Variants in ADH1C observed in about 807,000 individuals in gnomAD.
ADH1C encodes the protein alcohol dehydrogenase 1C (class I), gamma polypeptide, also known as alcohol dehydrogenase 1C.
Under a neutral mutation model 35.0 loss-of-function variants are expected in ADH1C, and 26 were observed. The ratio of observed to expected loss-of-function variants is 0.74; its 90% CI spans 0.54 to 1.03. The LOEUF (loss-of-function observed/expected upper bound fraction) is 1.03, where lower values mean the gene tolerates loss of function less well. ADH1C is among the 50% of genes least tolerant of loss of function. ADH1C has a pLI of 0.00. For synonymous variants in ADH1C, 170 were observed against 169.3 expected, an observed-to-expected ratio of 1.00 and a Z score of -0.03; for missense variants, 413 against 465.4, an observed-to-expected ratio of 0.89 and a Z score of 1.04.
In ADH1C at chr4:99,351,887, T is replaced by C. The variant is rs1026408907; in HGVS notation, c.18+771A>G. 4.6e-5 allele frequency among the ~76,000 whole-genome samples: 7 copies of C among 152,350 alleles called. No homozygotes were observed. In the East Asian group the frequency reaches 5.8e-4, roughly 13 times the overall value. ...GCATTTCTGTGCACCTGTAAACACA[T>C]TGAAAAATAAGTATAAATTTATAGA... On this transcript the variant is annotated intron_variant, in intron 1 of 8. Coordinates refer to ENST00000515683, the MANE Select transcript of ADH1C (RefSeq NM_000669.5).
intron 6 of ADH1C, among the ~76,000 whole-genome samples, chr4:99,342,020 A>T (rs1435944453): frequency 7.9e-5 from 12 of 151,436 alleles, no homozygotes; most frequent in Non-Finnish European, 1.3e-4. Context: ...CAAAAAAAAA[A>T]AAAAAATAAA....
At position 99,344,852 on chromosome 4, in the gene ADH1C, T is replaced by C. The variant is rs1419909277; in HGVS notation, c.567+10A>G. 10 of 1,614,166 alleles carry C rather than the reference T, an allele frequency of 6.2e-6. No homozygotes were observed. The highest frequency in any genetic ancestry group is 1.7e-5 in the Admixed American group (1 of 60,016). On this transcript the variant is annotated intron_variant, in intron 5 of 8. Transcript: ENST00000515683. ...GTGTAACCGGTTTTATCATCCATTGTCATTTCTACCTTGGCAACTTTGACT... is the reference window on the plus strand; with the variant it reads ...GTGTAACCGGTTTTATCATCCATTGCCATTTCTACCTTGGCAACTTTGACT...
chr4:99,342,753 G>T (rs934526451), intron 6 of ADH1C, 42 bp downstream of exon 6: 15 of 1,613,158 alleles, frequency 9.3e-6, no homozygotes, highest in Non-Finnish European at 1.3e-5. Context: ...GCATCCTCCA[G>T]GTTGCAGAGG....
At chr4:99,346,045 G>A (rs1452305570) in intron 3 of ADH1C, among the ~76,000 whole-genome samples, 3 of 152,062 alleles carry the variant, frequency 2.0e-5, no homozygotes, top group Non-Finnish European at 2.9e-5. Flanking sequence ...AGGAAATAGA[G>A]CTAAAACTCA....
chr4:99,348,526 T>G (rs889767017), intron 1 of ADH1C, among the ~76,000 whole-genome samples: 22 of 150,950 alleles, frequency 1.5e-4, no homozygotes, highest in Non-Finnish European at 2.1e-4. Flanking sequence ...CAGTCTATCA[T>G]TGTTGGACAT....
chr4:99,342,843 A>G lies in ADH1C; in HGVS notation c.780T>C (p.Asp260=). The G allele has an allele frequency of 1.2e-6, 2 of 1,614,018 alleles. No homozygotes were observed. The highest frequency in any genetic ancestry group is 2.2e-5 in the East Asian group (1 of 44,886). ...PIQEVLKEMT[D]GGVDFSFEVI... is the part of the protein sequence containing the mutation. The stretch of plus-strand genomic sequence containing the variant: ...CTTCAAACGAAAAATCCACACCTCC[A>G]TCAGTCATTTCCTTTAGCACTTCCT... The change falls in exon 6 of 9, where the codon GAT becomes GAC. Residue 260 remains aspartate, a synonymous_variant. Transcript: ENST00000515683.
intron 8 of ADH1C, among the ~76,000 whole-genome samples, chr4:99,337,534 T>C (rs1275174859): frequency 6.6e-6 from 1 of 152,142 alleles, no homozygotes; most frequent in Non-Finnish European, 1.5e-5. Flanking sequence ...ATAAACCAAC[T>C]TTTGATGAAC....
rs955883857 is a variant in ADH1C, at chr4:99,343,009, C to T, written c.614G>A (p.Gly205Asp). The change falls in exon 6 of 9, where the codon GGC (glycine) becomes GAC (aspartate). Residue 205 changes from glycine (G) to aspartate (D), a missense_variant. Physicochemically the swap from Gly to Asp is moderately conservative, Grantham distance 94 (BLOSUM62 -1). Transcript: ENST00000515683. ...TTTACAGCCCATAACAACAGATAGGCCGACCCCTCCCAGGCCAAACACAGC... is the reference window on the plus strand; with the variant it reads ...TTTACAGCCCATAACAACAGATAGGTCGACCCCTCCCAGGCCAAACACAGC... ...TCAVFGLGGV[G>D]LSVVMGCKAA... The T allele has an allele frequency of 2.2e-5, 36 of 1,614,076 alleles. No individual in the cohort carries two copies. Among genetic ancestry groups the T allele is most frequent in the Non-Finnish European group, 3.0e-5 (35 of 1,180,036 alleles).
rs5860576 is a variant in ADH1C at position 99,339,512 on chromosome 4, G to GCCCCCCCCCC, written c.1103+55_1103+64dup. On this transcript the variant is annotated intron_variant, in intron 8 of 8. Coordinates refer to ENST00000515683, the MANE Select transcript of ADH1C (RefSeq NM_000669.5). Reference sequence around the variant, plus strand: ...ACCTTTTCATTCTCTGCTAGACAACGCCCCCCCCCCCCCCGCCGCTACTGT... The same window carrying GCCCCCCCCCC: ...ACCTTTTCATTCTCTGCTAGACAACGCCCCCCCCCCCCCCCCCCCCCCCCGCCGCTACTGT... 3.0e-5 allele frequency: 22 copies of GCCCCCCCCCC among 743,914 alleles called. 1 individual carries two copies. The highest frequency in any genetic ancestry group is 9.6e-5 in the African/African-American group (5 of 51,870). 46.1% of individuals were successfully genotyped at this position (743,914 alleles called of 1,614,324 possible).
chr4:99,344,542 T>C (rs542896099), intron 5 of ADH1C, among the ~76,000 whole-genome samples: 1 of 152,312 alleles, frequency 6.6e-6, no homozygotes, highest in South Asian at 2.1e-4. Context: ...GCCTGAGGTA[T>C]GTATAGGTGC....
intron 6 of ADH1C, among the ~76,000 whole-genome samples, chr4:99,341,863 C>T (rs1345308137): frequency 1.3e-5 from 2 of 151,898 alleles, no homozygotes; most frequent in Non-Finnish European, 2.9e-5. Context: ...ATAATGCCAA[C>T]TGAGGCTCAG....
intron 1 of ADH1C, among the ~76,000 whole-genome samples, chr4:99,350,241 T>A (rs1191010227): frequency 6.6e-6 from 1 of 152,118 alleles, no homozygotes; most frequent in African/African-American, 2.4e-5. Context: ...GCTGAGTGAG[T>A]TACATGCATT....
chr4:99,352,697 G>A lies in ADH1C; in HGVS notation c.-22C>T, dbSNP rs1404225502. 1.2e-6 allele frequency: 2 copies of A among 1,612,746 alleles called. No individual in the cohort carries two copies. Among genetic ancestry groups the A allele is most frequent in the South Asian group, 2.2e-5 (2 of 90,940 alleles). On this transcript the variant is annotated 5_prime_UTR_variant, in exon 1 of 9. Transcript: ENST00000515683. Reference sequence around the variant, plus strand: ...TCATATTGATTCTGTCTTCTCTGCAGACCAGGAGGCTGGTGAGTACTTGTG... The same window carrying A: ...TCATATTGATTCTGTCTTCTCTGCAAACCAGGAGGCTGGTGAGTACTTGTG...
intron 1 of ADH1C, among the ~76,000 whole-genome samples, chr4:99,352,360 C>T (rs533052756): frequency 1.6e-4 from 24 of 152,070 alleles, no homozygotes; most frequent in Middle Eastern, 3.4e-3. Context: ...TATCACTTTA[C>T]GGCAAATTTA....
At chr4:99,347,288 A>T in intron 2 of ADH1C, 144 bp from the exon 3 acceptor site, 1 of 1,038,552 alleles carries the variant, frequency 9.6e-7, no homozygotes, top group Non-Finnish European at 1.4e-6. Context: ...AATATGAAAG[A>T]TTCAGTTTAT....
intron 5 of ADH1C, among the ~76,000 whole-genome samples, chr4:99,343,581 CCTTT>C (rs1308464668): frequency 6.6e-5 from 10 of 152,208 alleles, no homozygotes; most frequent in Non-Finnish European, 1.3e-4. Context: ...ATAATTAACT[CCTTT>C]CTTCATTTTT....
chr4:99,349,817 G>A (rs1734634282), intron 1 of ADH1C, among the ~76,000 whole-genome samples: 1 of 151,712 alleles, frequency 6.6e-6, no homozygotes. Context: ...GTGTGTGTGT[G>A]TGTGTGTGTG....
intron 1 of ADH1C, among the ~76,000 whole-genome samples, chr4:99,348,788 G>A (rs1394465730): frequency 6.6e-6 from 1 of 152,066 alleles, no homozygotes; most frequent in Non-Finnish European, 1.5e-5. Context: ...TCCAGCACCT[G>A]TTGTTTCCTG....
chr4:99,338,010 G>C (rs905466650), intron 8 of ADH1C, among the ~76,000 whole-genome samples: 27 of 151,828 alleles, frequency 1.8e-4, no homozygotes, highest in Admixed American at 7.9e-4. Flanking sequence ...TATTTCTATA[G>C]AATAGATTTC....
Sources: allele counts gnomAD v4.1 joint callset (sites outside exome capture counted in the v4.1 genomes callset), GRCh38; gene constraint gnomAD v4.1.1; transcripts MANE v1.5; gene names NCBI Gene and HGNC (gene_info 2026-07-23, HGNC 2026-07-21).